Variants in SCARA5 observed in about 807,000 individuals in gnomAD.
The protein encoded by SCARA5 is scavenger receptor class A, member 5 (putative).
SCARA5 carries 45 observed loss-of-function variants against 46.3 expected under a neutral mutation model. The ratio of observed to expected loss-of-function variants is 0.97; its 90% CI spans 0.76 to 1.24. The LOEUF (loss-of-function observed/expected upper bound fraction) is 1.24, where lower values mean the gene tolerates loss of function less well. SCARA5 is among the 50% of genes most tolerant of loss of function. The pLI is 0.00. For synonymous variants in SCARA5, 333 were observed against 306.5 expected (o/e 1.09, Z -0.90); for missense variants, 680 against 689.0 (o/e 0.99, Z 0.15).
intron 2 of SCARA5, among the ~76,000 whole-genome samples, chr8:27,976,941 T>C (rs1353843421): frequency 6.6e-6 from 1 of 152,214 alleles, no homozygotes; most frequent in Admixed American, 6.5e-5. Flanking sequence ...CCCTCAGTCC[T>C]GGCTTAGCCA....
chr8:27,903,610 A>G (rs1563518572), intron 7 of SCARA5: 1 of 152,338 alleles, frequency 6.6e-6, no homozygotes, highest in Non-Finnish European at 1.5e-5. Context: ...TTTTGGTTGT[A>G]GGATTTGTAG....
intron 3 of SCARA5, among the ~76,000 whole-genome samples, chr8:27,935,946 T>C (rs1310471560): frequency 6.6e-6 from 1 of 151,944 alleles, no homozygotes; most frequent in Admixed American, 6.5e-5. Flanking sequence ...CCCTTTTTAT[T>C]TTTCCTTTTT....
At chr8:27,925,316 G>T (rs978192066) in intron 3 of SCARA5, among the ~76,000 whole-genome samples, 1 of 152,116 alleles carries the variant, frequency 6.6e-6, no homozygotes. Context: ...CAGAGCAGAC[G>T]CCTCAGAAAT....
At chr8:27,942,133 T>C (rs1311117672) in intron 3 of SCARA5, among the ~76,000 whole-genome samples, 1 of 152,020 alleles carries the variant, frequency 6.6e-6, no homozygotes, top group Non-Finnish European at 1.5e-5. Flanking sequence ...CCAGCCCCCA[T>C]TCACATGAGA....
chr8:27,984,632 C>CCATTCATT (rs1208054121), intron 2 of SCARA5, among the ~76,000 whole-genome samples: 1 of 151,964 alleles, frequency 6.6e-6, no homozygotes, highest in Non-Finnish European at 1.5e-5. Flanking sequence ...ATCCATCCAT[C>CCATTCATT]CATTCATTCA....
rs569007053 is a variant in SCARA5, at chr8:27,972,222, CAGG to C, written c.113-5683_113-5681del. 8.5e-5 allele frequency among the ~76,000 whole-genome samples: 13 copies of C among 152,124 alleles called. No homozygotes were observed. The South Asian group carries it at 2.1e-3, about 24-fold the overall frequency. The stretch of plus-strand genomic sequence containing the variant: ...ACCCCAGCTACCCAGGAGGCCGAAG[CAGG>C]AGAATTGTTGGAACCTGGGAGGCAG... On this transcript the variant is annotated intron_variant, in intron 2 of 8. Transcript: ENST00000354914.
At chr8:27,950,879 G>GAAA (rs766482225) in intron 3 of SCARA5, among the ~76,000 whole-genome samples, 2 of 140,998 alleles carry the variant, frequency 1.4e-5, no homozygotes, top group African/African-American at 2.6e-5. Context: ...AGCTTTATGG[G>GAAA]AAAAAAAAAA....
intron 3 of SCARA5, among the ~76,000 whole-genome samples, chr8:27,963,451 G>A (rs972600285): frequency 6.6e-6 from 1 of 152,212 alleles, no homozygotes; most frequent in Non-Finnish European, 1.5e-5. Context: ...AGGTATTGGA[G>A]GTAGGAGGAG....
At chr8:27,911,992 G>A (rs2129779817) in intron 4 of SCARA5, among the ~76,000 whole-genome samples, 1 of 152,266 alleles carries the variant, frequency 6.6e-6, no homozygotes, top group Non-Finnish European at 1.5e-5. Context: ...ACCAAGAATT[G>A]CCAGCAAGCA....
intron 3 of SCARA5, among the ~76,000 whole-genome samples, chr8:27,923,826 G>A (rs1432484371): frequency 6.6e-6 from 1 of 152,104 alleles, no homozygotes; most frequent in African/African-American, 2.4e-5. Context: ...GCCCGCCTTG[G>A]CCTCCCAAAG....
chr8:27,877,862 A>T (rs1178714721), intron 8 of SCARA5, among the ~76,000 whole-genome samples: 1 of 152,220 alleles, frequency 6.6e-6, no homozygotes, highest in East Asian at 1.9e-4. Flanking sequence ...ATTACCAATG[A>T]GATCTATGGG....
chr8:27,966,028 A>G (rs1158300424), intron 3 of SCARA5, among the ~76,000 whole-genome samples: 2 of 152,248 alleles, frequency 1.3e-5, no homozygotes, highest in African/African-American at 4.8e-5. Context: ...ACCAGGAAGC[A>G]AAGTGCCTCA....
chr8:27,925,310 G>A (rs1232960347), intron 3 of SCARA5, among the ~76,000 whole-genome samples: 3 of 152,110 alleles, frequency 2.0e-5, no homozygotes, highest in East Asian at 3.9e-4. Flanking sequence ...ATGGAACAGA[G>A]CAGACGCCTC....
chr8:27,930,406 C>CTT (rs752297118), intron 3 of SCARA5, among the ~76,000 whole-genome samples: 2 of 145,580 alleles, frequency 1.4e-5, no homozygotes, highest in Non-Finnish European at 3.0e-5. Flanking sequence ...TATTAAACTT[C>CTT]TTTTTTTTTT....
chr8:27,875,199 A>C (rs879411749), intron 8 of SCARA5, among the ~76,000 whole-genome samples: 828 of 43,074 alleles, frequency 0.019, no homozygotes, highest in Admixed American at 0.024. Context: ...CCCTCCCTTC[A>C]CTCCTCCCTC....
At chr8:27,980,770 G>A (rs1473069430) in intron 2 of SCARA5, among the ~76,000 whole-genome samples, 2 of 152,192 alleles carry the variant, frequency 1.3e-5, no homozygotes, top group Non-Finnish European at 2.9e-5. Flanking sequence ...AGAATCAGGA[G>A]CCCTCAGGGC....
intron 2 of SCARA5, among the ~76,000 whole-genome samples, chr8:27,983,848 T>G (rs1808660149): frequency 6.6e-6 from 1 of 152,062 alleles, no homozygotes; most frequent in African/African-American, 2.4e-5. Flanking sequence ...GTCAGGGCTG[T>G]ACTTTTGGGA....
intron 7 of SCARA5, chr8:27,904,538 C>T (rs527635166): frequency 3.4e-6 from 2 of 588,308 alleles, no homozygotes; most frequent in Non-Finnish European, 6.0e-6. Context: ...GGGAAGCCTC[C>T]AGATCCATGC....
chr8:27,895,718 A>C (rs1585470500), intron 7 of SCARA5, among the ~76,000 whole-genome samples: 1 of 152,286 alleles, frequency 6.6e-6, no homozygotes, highest in African/African-American at 2.4e-5. Flanking sequence ...TAGGGGTCAG[A>C]CGGGGTACTT....
Sources: gnomAD v4.1 joint callset for allele counts (sites outside exome capture counted in the v4.1 genomes callset) on GRCh38, gnomAD v4.1.1 for gene constraint, MANE v1.5 for transcripts, NCBI Gene and HGNC (gene_info 2026-07-23, HGNC 2026-07-21) for gene names.